KIAA0513: variants seen among roughly 807,000 people sequenced by gnomAD.
KIAA0513 encodes KIAA0513, also known as uncharacterized protein KIAA0513.
In KIAA0513, 39 loss-of-function variants were observed where a neutral mutation model predicts 56.5. The ratio of observed to expected loss-of-function variants is 0.69; its 90% CI spans 0.53 to 0.90. KIAA0513 has a LOEUF of 0.90. Among genes scored for constraint, KIAA0513 ranks in the 40% least tolerant of loss-of-function variants. KIAA0513 has a pLI of 0.00. For synonymous variants in KIAA0513, 268 were observed against 215.6 expected, an observed-to-expected ratio of 1.24 and a Z score of -2.13; for missense variants, 591 against 535.2, an observed-to-expected ratio of 1.10 and a Z score of -1.03.
intron 1 of KIAA0513, among the ~76,000 whole-genome samples, chr16:85,052,340 A>T (rs1430048843): frequency 6.6e-6 from 1 of 151,628 alleles, no homozygotes. Flanking sequence ...AACAACAACA[A>T]CAACAATAGC....
Position 85,088,737 on chromosome 16 carries a change from C to T in KIAA0513, c.*412C>T, listed in dbSNP as rs1044073534. 1.1e-4 allele frequency: 19 copies of T among 179,238 alleles called. No individual in the cohort carries two copies. The highest frequency in any genetic ancestry group is 2.9e-4 in the South Asian group (2 of 6,880). 11.1% of individuals were successfully genotyped at this position (179,238 alleles called of 1,614,324 possible). On this transcript the variant is annotated 3_prime_UTR_variant, in exon 13 of 13. Coordinates refer to ENST00000683363, the MANE Select transcript of KIAA0513 (RefSeq NM_001388359.1). ...GCCGGCACACCCAGTGGTGGAGGGC[C>T]GGCGCTGCCACTCACGGTGGGTGGC...
At chr16:85,051,553 C>T (rs28679700) in intron 1 of KIAA0513, among the ~76,000 whole-genome samples, 11,053 of 152,178 alleles carry the variant, frequency 0.073, 415 homozygotes, top group African/African-American at 0.11. Context: ...GTGGTGGCTC[C>T]GCCTTGCTGG....
Position 85,076,421 on chromosome 16 carries a change from A to C in KIAA0513, c.574+507A>C, listed in dbSNP as rs1241027941. 6.6e-6 allele frequency among the ~76,000 whole-genome samples: 1 copy of C among 152,154 alleles called. No homozygotes were observed. The highest frequency in any genetic ancestry group is 1.5e-5 in the Non-Finnish European group (1 of 68,018). On this transcript the variant is annotated intron_variant, in intron 5 of 12. Coordinates refer to ENST00000683363, the MANE Select transcript of KIAA0513 (RefSeq NM_001388359.1). The surrounding 1 kb of genome is among the most constrained non-coding windows in gnomAD (Gnocchi z 4.7). ...GAGGCTAGGACATCTCTTCCGCCTCATTGCGTTGGCACTTTCTCGTATGTT... is the reference window on the plus strand; with the variant it reads ...GAGGCTAGGACATCTCTTCCGCCTCCTTGCGTTGGCACTTTCTCGTATGTT...
chr16:85,056,326 A>G (rs935971812), intron 1 of KIAA0513, among the ~76,000 whole-genome samples: 6 of 152,166 alleles, frequency 3.9e-5, no homozygotes, highest in South Asian at 2.1e-4. Context: ...CAACACCGCC[A>G]TGAGAAGTCT....
rs2073875448 is a variant in KIAA0513 at position 85,092,136 on chromosome 16, T to A, written c.*3811T>A. 1.3e-5 allele frequency: 2 copies of A among 151,796 alleles called. No homozygotes were observed. Among genetic ancestry groups the A allele is most frequent in the African/African-American group, 4.8e-5 (2 of 41,258 alleles). The allele number at this position is 151,796 out of a possible 1,614,324, so 9.4% of individuals were successfully genotyped here. On this transcript the variant is annotated 3_prime_UTR_variant, in exon 13 of 13. Transcript: ENST00000683363. The stretch of plus-strand genomic sequence containing the variant: ...TTTTATATTTTTGGTAGAGATGGGG[T>A]TTCACCATGCTGGCCAGGCTGGTCT...
intron 1 of KIAA0513, among the ~76,000 whole-genome samples, chr16:85,064,397 G>C (rs35993081): frequency 0.067 from 10,164 of 152,266 alleles, 364 homozygotes; most frequent in Middle Eastern, 0.088. Context: ...CTCTATGTAA[G>C]TTTTTGTGTG....
intron 10 of KIAA0513, among the ~76,000 whole-genome samples, chr16:85,086,202 C>T (rs1386848398): frequency 6.6e-6 from 1 of 152,190 alleles, no homozygotes; most frequent in Admixed American, 6.5e-5. Flanking sequence ...AGTCTAAAAA[C>T]GTTCCCTGGG....
At position 85,076,914 on chromosome 16, in the gene KIAA0513, T is replaced by C. The variant is rs947399411; in HGVS notation, c.575-511T>C. 6.6e-6 allele frequency among the ~76,000 whole-genome samples: 1 copy of C among 152,210 alleles called. No homozygotes were observed. Among genetic ancestry groups the C allele is most frequent in the Non-Finnish European group, 1.5e-5 (1 of 68,020 alleles). ...TGGGACCTGCAGAGGGCCTTTGACC[T>C]ATAGTGGGCACTGAGGCCCGTGGGG... On this transcript the variant is annotated intron_variant, in intron 5 of 12. Transcript: ENST00000683363. This position sits in a 1 kb window ranked among gnomAD's most constrained non-coding sequence, Gnocchi z 4.7.
At chr16:85,068,559 C>G (rs981968039) in intron 2 of KIAA0513, among the ~76,000 whole-genome samples, 11 of 151,478 alleles carry the variant, frequency 7.3e-5, no homozygotes, top group Non-Finnish European at 1.5e-4. Flanking sequence ...GTCTCGATCT[C>G]CTGACCTCAT....
intron 4 of KIAA0513, 133 bp downstream of exon 4, chr16:85,073,131 G>A: frequency 1.3e-6 from 1 of 767,148 alleles, no homozygotes; most frequent in Non-Finnish European, 2.3e-6. Flanking sequence ...CAGTTGCTCT[G>A]CTACGCCCAG....
chr16:85,080,609 C>T (rs1434796039), intron 8 of KIAA0513, among the ~76,000 whole-genome samples: 1 of 152,144 alleles, frequency 6.6e-6, no homozygotes, highest in Non-Finnish European at 1.5e-5. Flanking sequence ...GCCTGGTCAA[C>T]ATGGCGAAAC....
intron 1 of KIAA0513, among the ~76,000 whole-genome samples, chr16:85,034,021 ATCCT>A (rs1251733697): frequency 6.6e-6 from 1 of 151,696 alleles, no homozygotes; most frequent in African/African-American, 2.4e-5. Flanking sequence ...CCTCCCCTCA[ATCCT>A]TCCTTCCTCC....
rs1428006601 is a variant in KIAA0513, at chr16:85,092,973, G to T, written c.*4648G>T. Reference sequence around the variant, plus strand: ...CCGCCCTCCATACAGGCCCTCAGGGGGCCTGCCTTCTGCGCCTCAGTCCCC... The same window carrying T: ...CCGCCCTCCATACAGGCCCTCAGGGTGCCTGCCTTCTGCGCCTCAGTCCCC... On this transcript the variant is annotated 3_prime_UTR_variant, in exon 13 of 13. Transcript: ENST00000683363. The T allele has an allele frequency of 6.6e-6, 1 of 152,350 alleles. No homozygotes were observed. The highest frequency in any genetic ancestry group is 2.4e-5 in the African/African-American group (1 of 41,456). The allele number at this position is 152,350 out of a possible 1,614,324, so 9.4% of individuals were successfully genotyped here. A position where few individuals can be genotyped will look rare whatever the true frequency, so the allele number is the denominator to read the frequency against.
chr16:85,043,167 GA>G (rs1343327179), intron 1 of KIAA0513, among the ~76,000 whole-genome samples: 1 of 152,058 alleles, frequency 6.6e-6, no homozygotes, highest in African/African-American at 2.4e-5. Context: ...AGTAGCACTT[GA>G]AAAAACAGCT....
At chr16:85,039,008 G>A (rs997307124) in intron 1 of KIAA0513, among the ~76,000 whole-genome samples, 1 of 152,156 alleles carries the variant, frequency 6.6e-6, no homozygotes, top group Non-Finnish European at 1.5e-5. Context: ...TAGTATTTTT[G>A]TTTGCTTTTT....
chr16:85,071,919 C>G, intron 3 of KIAA0513, 37 bp downstream of exon 3: 2 of 1,338,114 alleles, frequency 1.5e-6, no homozygotes, highest in Non-Finnish European at 2.1e-6. Context: ...GGCGTTTACT[C>G]TCAAGGAAGA....
At chr16:85,060,249 C>T (rs66680446) in intron 1 of KIAA0513, among the ~76,000 whole-genome samples, 2 of 152,172 alleles carry the variant, frequency 1.3e-5, no homozygotes, top group Admixed American at 6.5e-5. Context: ...GCGTGAGCCA[C>T]TGTGCCCGGC....
At chr16:85,043,789 C>A (rs9926352) in intron 1 of KIAA0513, among the ~76,000 whole-genome samples, 4 of 151,916 alleles carry the variant, frequency 2.6e-5, no homozygotes, top group Non-Finnish European at 5.9e-5. Context: ...TCCCAGCACT[C>A]TGGGAGGCCG....
At chr16:85,065,188 C>A (rs927589317) in intron 1 of KIAA0513, among the ~76,000 whole-genome samples, 1 of 152,090 alleles carries the variant, frequency 6.6e-6, no homozygotes, top group African/African-American at 2.4e-5. Context: ...GTTTTCTGTT[C>A]TTTGGTGAGT....
Sources: allele counts gnomAD v4.1 joint callset (sites outside exome capture counted in the v4.1 genomes callset), GRCh38; gene constraint gnomAD v4.1.1; non-coding constraint Gnocchi (gnomAD v3.1); transcripts MANE v1.5; gene names NCBI Gene and HGNC (gene_info 2026-07-23, HGNC 2026-07-21).